The following SH3RF1 variants were observed in gnomAD, a reference collection of about 807,000 sequenced individuals.
SH3RF1 encodes SH3 domain containing ring finger 1, also known as E3 ubiquitin-protein ligase SH3RF1.
Under a neutral mutation model 74.0 loss-of-function variants are expected in SH3RF1, and 32 were observed. The ratio of observed to expected loss-of-function variants is 0.43; its 90% CI spans 0.33 to 0.58. SH3RF1 has a LOEUF of 0.58. Ranked by LOEUF, SH3RF1 falls within the 20% of genes least tolerant of loss-of-function variation. The pLI is 0.05. For missense variants in SH3RF1, 954 were observed against 1,130.9 expected, an observed-to-expected ratio of 0.84 and a Z score of 2.24; for synonymous variants, 396 against 439.6, an observed-to-expected ratio of 0.90 and a Z score of 1.24.
rs1459107640 is a variant in SH3RF1, at chr4:169,155,416, A to G, written c.765+64T>C. 55 of 1,288,440 alleles carry G rather than the reference A, an allele frequency of 4.3e-5. 1 individual carries two copies. The Admixed American group carries it at 9.3e-4, about 22-fold the overall frequency. 79.8% of individuals were successfully genotyped at this position (1,288,440 alleles called of 1,614,324 possible). On this transcript the variant is annotated intron_variant, in intron 4 of 11. Transcript: ENST00000284637. ...GAGGACTTCTTAATACTCAAATTGC[A>G]TAATTAAGATTTATTTAGTAAGCTG...
intron 2 of SH3RF1, among the ~76,000 whole-genome samples, chr4:169,195,448 G>GAACTCCA (rs1306279763): frequency 3.9e-5 from 6 of 152,086 alleles, no homozygotes; most frequent in African/African-American, 1.4e-4. Flanking sequence ...AGGATTTCTT[G>GAACTCCA]AGTTTGTAAA....
At chr4:169,116,701 C>A in intron 9 of SH3RF1, 71 bp from the exon 10 acceptor site, 1 of 1,474,886 alleles carries the variant, frequency 6.8e-7, no homozygotes, top group South Asian at 1.5e-5. Context: ...AAACATGAGT[C>A]ATTTCACTGC....
At chr4:169,123,023 T>C (rs749140909) in intron 6 of SH3RF1, among the ~76,000 whole-genome samples, 1 of 152,172 alleles carries the variant, frequency 6.6e-6, no homozygotes, top group Non-Finnish European at 1.5e-5. Flanking sequence ...GTCTGTATAC[T>C]GAAACTCTTG....
chr4:169,128,763 G>T (rs1733566210), intron 6 of SH3RF1, among the ~76,000 whole-genome samples: 1 of 152,140 alleles, frequency 6.6e-6, no homozygotes, highest in South Asian at 2.1e-4. Flanking sequence ...TCTAGCAGAG[G>T]GAAATAAAAT....
intron 5 of SH3RF1, among the ~76,000 whole-genome samples, chr4:169,130,873 C>G (rs1020054397): frequency 1.3e-5 from 2 of 152,208 alleles, no homozygotes; most frequent in Non-Finnish European, 2.9e-5. Context: ...GCAGGTCCAA[C>G]TGCAGAATGC....
chr4:169,107,081 C>T lies in SH3RF1; in HGVS notation c.2264G>A (p.Gly755Glu), dbSNP rs1366390543. The T allele has an allele frequency of 1.2e-6, 2 of 1,613,878 alleles. No individual in the cohort carries two copies. Among genetic ancestry groups the T allele is most frequent in the African/African-American group, 1.3e-5 (1 of 74,940 alleles). Residue 755 changes from glycine to glutamate, a missense_variant, in exon 11 of 12, where the codon GGA becomes GAA. Around this residue, in one of 3 missense-constraint regions of SH3RF1, gnomAD observed 854 missense variants for 962.5 expected, o/e 0.89. Transcript: ENST00000284637. ...TGGTGGCAGTTCGGGCCCCACCGCT[C>T]CCTGGAGAGGAAGCTCTGCACTGCC... ...ELGSAELPLQ[G>E]AVGPELPPGG...
intron 4 of SH3RF1, among the ~76,000 whole-genome samples, chr4:169,149,470 G>GA (rs1206594498): frequency 6.6e-6 from 1 of 151,828 alleles, no homozygotes; most frequent in East Asian, 1.9e-4. Context: ...AGTGCTTAAA[G>GA]AAAAAAAAGC....
chr4:169,241,794 C>T (rs2110735738), intron 2 of SH3RF1, among the ~76,000 whole-genome samples: 1 of 152,336 alleles, frequency 6.6e-6, no homozygotes, highest in Admixed American at 6.5e-5. Context: ...GAAATGGGGA[C>T]TGGTTTCCTC....
intron 2 of SH3RF1, among the ~76,000 whole-genome samples, chr4:169,223,475 A>G (rs897231747): frequency 6.6e-6 from 1 of 152,214 alleles, no homozygotes; most frequent in Non-Finnish European, 1.5e-5. Flanking sequence ...GGGAAACCAG[A>G]GCATGAGGCA....
chr4:169,244,613 A>G (rs995005699), intron 2 of SH3RF1, among the ~76,000 whole-genome samples: 1 of 152,224 alleles, frequency 6.6e-6, no homozygotes, highest in African/African-American at 2.4e-5. Flanking sequence ...AAGACACACA[A>G]GATCCAACAT....
At chr4:169,206,738 T>C (rs1730270710) in intron 2 of SH3RF1, among the ~76,000 whole-genome samples, 1 of 152,034 alleles carries the variant, frequency 6.6e-6, no homozygotes, top group East Asian at 1.9e-4. Flanking sequence ...ACACAAGCCA[T>C]GGGAGACATA....
At chr4:169,161,698 T>G (rs1019995367) in intron 2 of SH3RF1, among the ~76,000 whole-genome samples, 1 of 152,172 alleles carries the variant, frequency 6.6e-6, no homozygotes, top group Non-Finnish European at 1.5e-5. Context: ...ACTCTTGTAG[T>G]GGGAACAGCT....
At chr4:169,222,414 G>A (rs1270671926) in intron 2 of SH3RF1, among the ~76,000 whole-genome samples, 2 of 151,808 alleles carry the variant, frequency 1.3e-5, no homozygotes, top group East Asian at 3.9e-4. Flanking sequence ...GCAGTGAACT[G>A]AGATTGCACC....
At chr4:169,243,835 G>A (rs938720137) in intron 2 of SH3RF1, among the ~76,000 whole-genome samples, 15 of 152,202 alleles carry the variant, frequency 9.9e-5, no homozygotes, top group African/African-American at 3.6e-4. Context: ...GACTTAGAAT[G>A]TCTAGAAATT....
At chr4:169,173,207 C>T (rs1734361773) in intron 2 of SH3RF1, among the ~76,000 whole-genome samples, 1 of 152,022 alleles carries the variant, frequency 6.6e-6, no homozygotes, top group South Asian at 2.1e-4. Flanking sequence ...AGAAAAGAAG[C>T]AAATCTAGAT....
chr4:169,110,343 C>A (rs1386831105), intron 10 of SH3RF1, among the ~76,000 whole-genome samples: 5 of 151,744 alleles, frequency 3.3e-5, no homozygotes, highest in African/African-American at 9.7e-5. Context: ...CAGAGTGAGA[C>A]CTCGTTTAAA....
intron 2 of SH3RF1, among the ~76,000 whole-genome samples, chr4:169,186,109 G>A (rs958933238): frequency 6.6e-6 from 1 of 152,102 alleles, no homozygotes; most frequent in Non-Finnish European, 1.5e-5. Context: ...TTAAAGATCT[G>A]CAGGTTATAT....
intron 10 of SH3RF1, among the ~76,000 whole-genome samples, chr4:169,112,976 T>G (rs1051048556): frequency 6.6e-6 from 1 of 152,164 alleles, no homozygotes; most frequent in Non-Finnish European, 1.5e-5. Flanking sequence ...TGATTACTCT[T>G]AACAGGCTGA....
intron 2 of SH3RF1, among the ~76,000 whole-genome samples, chr4:169,186,198 T>C (rs1316959074): frequency 1.3e-5 from 2 of 152,172 alleles, no homozygotes; most frequent in Non-Finnish European, 1.5e-5. Context: ...ATAGAGAGTA[T>C]GGTAGCTTTA....
Sources: gnomAD v4.1 joint callset for allele counts (sites outside exome capture counted in the v4.1 genomes callset) on GRCh38, gnomAD v4.1.1 for gene constraint, gnomAD v4.1.1 regional missense constraint, MANE v1.5 for transcripts, NCBI Gene and HGNC (gene_info 2026-07-23, HGNC 2026-07-21) for gene names.